The following ROBO2 variants were observed in gnomAD, a reference collection of about 807,000 sequenced individuals.
ROBO2 encodes the protein roundabout homolog 2.
In ROBO2, 53 loss-of-function variants were observed where a neutral mutation model predicts 160.8. The observed-to-expected ratio is 0.33, with a 90% CI of 0.26 to 0.41. The LOEUF is 0.41. Ranked by LOEUF, ROBO2 falls within the 10% of genes least tolerant of loss-of-function variation. The pLI is 1.00. For synonymous variants in ROBO2, 664 were observed against 611.7 expected (o/e 1.09, Z -1.26); for missense variants, 1,577 against 1,722.4 (o/e 0.92, Z 1.49).
At chr3:76,610,037 G>A (rs2087965291) in intron 2 of ROBO2, among the ~76,000 whole-genome samples, 1 of 152,072 alleles carries the variant, frequency 6.6e-6, no homozygotes, top group Non-Finnish European at 1.5e-5. Flanking sequence ...AGCCATCCTT[G>A]CATCCCAGGA....
chr3:77,483,922 T>A (rs1475968803), intron 4 of ROBO2, among the ~76,000 whole-genome samples: 4 of 151,670 alleles, frequency 2.6e-5, no homozygotes, highest in African/African-American at 9.7e-5. Flanking sequence ...GAAAAAGAAT[T>A]TTCTGAATTC....
At chr3:76,942,352 G>A (rs893084692) in intron 2 of ROBO2, among the ~76,000 whole-genome samples, 11 of 152,182 alleles carry the variant, frequency 7.2e-5, no homozygotes, top group African/African-American at 2.7e-4. Flanking sequence ...AGTAGAACAT[G>A]CGAATCTAAC....
chr3:77,237,814 A>C lies in ROBO2; in HGVS notation c.388+139474A>C, dbSNP rs548153560. 3.9e-5 allele frequency among the ~76,000 whole-genome samples: 6 copies of C among 152,316 alleles called. No individual in the cohort carries two copies. In the East Asian group the frequency reaches 1.2e-3, roughly 29 times the overall value. Reference sequence around the variant, plus strand: ...ATGTTTAGTTTTGAAAGGAACTGCCAGACTGCCTTTCCAAGTGGCTGTACC... The same window carrying C: ...ATGTTTAGTTTTGAAAGGAACTGCCCGACTGCCTTTCCAAGTGGCTGTACC... On this transcript the variant is annotated intron_variant, in intron 2 of 25. Coordinates refer to ENST00000461745, the Ensembl canonical transcript of ROBO2.
At position 77,233,727 on chromosome 3, in the gene ROBO2, CTGA is replaced by C. The variant is rs553679127; in HGVS notation, c.388+135390_388+135392del. Among the ~76,000 whole-genome samples, 705 of 152,096 alleles carry C rather than the reference CTGA, an allele frequency of 4.6e-3. 8 individuals carry two copies. The highest frequency in any genetic ancestry group is 5.4e-3 in the Non-Finnish European group (369 of 67,996). On this transcript the variant is annotated intron_variant, in intron 2 of 25. Transcript: ENST00000461745. Reference sequence around the variant, plus strand: ...AATTTTTATATGTTACATTCATATACTGATGTTTATATCAATTTAGAAAAGAAA... The same window carrying C: ...AATTTTTATATGTTACATTCATATACTGTTTATATCAATTTAGAAAAGAAA...
At chr3:76,176,745 T>A (rs28599652) in intron 2 of ROBO2, among the ~76,000 whole-genome samples, 25,387 of 151,974 alleles carry the variant, frequency 0.17, 3,262 homozygotes, top group African/African-American at 0.36. Flanking sequence ...CAAATAAGGG[T>A]AGCTAAATAA....
intron 2 of ROBO2, among the ~76,000 whole-genome samples, chr3:77,362,900 A>C (rs1467479174): frequency 1.3e-5 from 2 of 152,128 alleles, no homozygotes; most frequent in African/African-American, 4.8e-5. Flanking sequence ...CTTATTCATT[A>C]TCAGGAGAAC....
chr3:76,401,663 A>C (rs777970128), intron 2 of ROBO2, among the ~76,000 whole-genome samples: 12 of 151,480 alleles, frequency 7.9e-5, no homozygotes, highest in Non-Finnish European at 1.3e-4. Context: ...CTTCACAATA[A>C]ATTTATGGTA....
intron 2 of ROBO2, among the ~76,000 whole-genome samples, chr3:76,391,112 ATAT>A (rs1314993944): frequency 1.8e-4 from 27 of 152,138 alleles, no homozygotes; most frequent in Middle Eastern, 3.4e-3. Context: ...TAAATATTAG[ATAT>A]TATTATCATT....
intron 2 of ROBO2, among the ~76,000 whole-genome samples, chr3:77,247,780 A>G (rs1280775655): frequency 1.3e-5 from 2 of 152,130 alleles, no homozygotes; most frequent in Admixed American, 6.6e-5. Context: ...TGAATCCCAG[A>G]TCTGCCACTT....
chr3:76,516,921 AT>A, intron 2 of ROBO2, among the ~76,000 whole-genome samples: 1 of 152,110 alleles, frequency 6.6e-6, no homozygotes, highest in Non-Finnish European at 1.5e-5. Flanking sequence ...TTCTCTTCTT[AT>A]TTTGAAAAAG....
intron 2 of ROBO2, among the ~76,000 whole-genome samples, chr3:76,545,240 G>A (rs1439680126): frequency 1.1e-4 from 17 of 151,982 alleles, no homozygotes; most frequent in Non-Finnish European, 4.4e-5. Context: ...TTTACATTCC[G>A]AAATGCATGT....
chr3:76,168,496 T>C (rs1369622994), intron 2 of ROBO2, among the ~76,000 whole-genome samples: 1 of 152,166 alleles, frequency 6.6e-6, no homozygotes, highest in African/African-American at 2.4e-5. Flanking sequence ...TCTTCTTAGG[T>C]ATCAGTATTT....
At chr3:76,221,873 C>G (rs958075698) in intron 2 of ROBO2, among the ~76,000 whole-genome samples, 1 of 152,004 alleles carries the variant, frequency 6.6e-6, no homozygotes, top group African/African-American at 2.4e-5. Context: ...GCATTGCACC[C>G]ACGGAAGACA....
intron 2 of ROBO2, among the ~76,000 whole-genome samples, chr3:76,169,452 G>T (rs2072955808): frequency 6.6e-6 from 1 of 152,118 alleles, no homozygotes; most frequent in Admixed American, 6.6e-5. Flanking sequence ...TGCCGTATGA[G>T]AATCTATCAA....
intron 5 of ROBO2, among the ~76,000 whole-genome samples, chr3:77,504,611 A>G (rs1240688681): frequency 6.6e-6 from 1 of 152,240 alleles, no homozygotes; most frequent in Non-Finnish European, 1.5e-5. Flanking sequence ...CATAATTTAT[A>G]GTAAGACATA....
At position 77,339,755 on chromosome 3, in the gene ROBO2, A is replaced by G. The variant is rs574681843; in HGVS notation, c.389-137659A>G. Among the ~76,000 whole-genome samples, 18 of 151,228 alleles carry G rather than the reference A, an allele frequency of 1.2e-4. No individual in the cohort carries two copies. In the East Asian group the frequency reaches 2.1e-3, roughly 18 times the overall value. On this transcript the variant is annotated intron_variant, in intron 2 of 25. Transcript: ENST00000461745. The stretch of plus-strand genomic sequence containing the variant: ...AATTAGTGGCTTTAGGCATTATAAT[A>G]TATATTTTAAAAAAAAAGAGTTGGA...
chr3:76,239,210 C>T (rs1342464303), intron 2 of ROBO2, among the ~76,000 whole-genome samples: 2 of 152,014 alleles, frequency 1.3e-5, no homozygotes, highest in Non-Finnish European at 2.9e-5. Flanking sequence ...TAAGGGAGGG[C>T]AACAATAAAT....
chr3:77,039,409 C>T (rs1002001910), upstream of ROBO2, among the ~76,000 whole-genome samples: 4 of 152,174 alleles, frequency 2.6e-5, no homozygotes, highest in Admixed American at 6.5e-5. Context: ...GCGCGTGCAG[C>T]TCCGGCAGAC....
At chr3:77,498,821 C>T (rs2087148836) in intron 5 of ROBO2, among the ~76,000 whole-genome samples, 1 of 152,060 alleles carries the variant, frequency 6.6e-6, no homozygotes, top group African/African-American at 2.4e-5. Context: ...ATAATTTGAG[C>T]TCCTGATAAA....
Sources: gnomAD v4.1 joint callset for allele counts (sites outside exome capture counted in the v4.1 genomes callset) on GRCh38, gnomAD v4.1.1 for gene constraint, MANE v1.5 for transcripts, NCBI Gene and HGNC (gene_info 2026-07-23, HGNC 2026-07-21) for gene names.